The following TDRD10 variants were observed in gnomAD, a reference collection of about 807,000 sequenced individuals.
TDRD10 encodes the protein tudor domain containing 10.
A neutral mutation model predicts 48.0 loss-of-function variants in TDRD10; 40 were observed. The observed-to-expected ratio is 0.83, with a 90% CI of 0.65 to 1.09. The LOEUF is 1.09. TDRD10 is among the 50% of genes least tolerant of loss of function. TDRD10 has a pLI of 0.00. For synonymous variants in TDRD10, 162 were observed against 170.4 expected, an observed-to-expected ratio of 0.95 and a Z score of 0.38; for missense variants, 378 against 434.7, an observed-to-expected ratio of 0.87 and a Z score of 1.16.
intron 3 of TDRD10, among the ~76,000 whole-genome samples, chr1:154,507,909 C>T (rs1366375560): frequency 6.6e-6 from 1 of 152,184 alleles, no homozygotes; most frequent in Non-Finnish European, 1.5e-5. Flanking sequence ...CTCCTGCATT[C>T]CCCTGGGCCC....
intron 6 of TDRD10, among the ~76,000 whole-genome samples, chr1:154,528,689 G>C (rs1306877787): frequency 1.3e-5 from 2 of 152,140 alleles, no homozygotes; most frequent in East Asian, 3.9e-4. Flanking sequence ...GGTGGTGCAT[G>C]CCTGTAATCC....
In TDRD10 at chr1:154,544,525, C is replaced by T. The variant is rs1695442318; in HGVS notation, c.797+8C>T. On this transcript the variant is annotated splice_region_variant and intron_variant, in intron 10 of 12. Transcript: ENST00000368482. ...TGGACACGCCTGGAACAGGTGTGTG[C>T]CTGGGCAGGGGTAGAGTCTATGGGA... 2 of 1,612,892 alleles carry T rather than the reference C, an allele frequency of 1.2e-6. No individual in the cohort carries two copies. The highest frequency in any genetic ancestry group is 1.3e-5 in the African/African-American group (1 of 74,912).
At chr1:154,505,262 T>A (rs1693080619) in intron 1 of TDRD10, among the ~76,000 whole-genome samples, 1 of 152,244 alleles carries the variant, frequency 6.6e-6, no homozygotes, top group African/African-American at 2.4e-5. Flanking sequence ...AGAATGTGTG[T>A]TAGCTGCTTA....
intron 11 of TDRD10, 136 bp from the exon 12 acceptor site, chr1:154,547,273 T>C: frequency 1.2e-6 from 1 of 811,908 alleles, no homozygotes; most frequent in Non-Finnish European, 2.0e-6. Context: ...TAGCAGGAAC[T>C]AGCAGAGACT....
At position 154,503,602 on chromosome 1, in the gene TDRD10, C is replaced by A. The variant is rs369258441; in HGVS notation, c.-28+573C>A. Among the ~76,000 whole-genome samples the A allele has an allele frequency of 4.6e-5, 7 of 152,136 alleles. No individual in the cohort carries two copies. The East Asian group carries it at 5.8e-4, about 13-fold the overall frequency. On this transcript the variant is annotated intron_variant, in intron 1 of 12. Transcript: ENST00000368482. ...GACTCCGTCTCAAAAAGACAAAAAA[C>A]AAACAAACAAAAAAACACCTTTCTG...
chr1:154,538,453 G>A (rs189891820), intron 6 of TDRD10, among the ~76,000 whole-genome samples: 2 of 149,752 alleles, frequency 1.3e-5, no homozygotes, highest in African/African-American at 4.9e-5. Flanking sequence ...AGGAGGCTGA[G>A]ATAGGAGAAT....
intron 12 of TDRD10, 90 bp downstream of exon 12, chr1:154,547,569 G>GTA (rs1695675017): frequency 1.2e-6 from 2 of 1,614,260 alleles, no homozygotes; most frequent in African/African-American, 1.3e-5. Flanking sequence ...CCTGGACACA[G>GTA]TATTTACCTG....
intron 1 of TDRD10, among the ~76,000 whole-genome samples, chr1:154,504,847 C>T (rs754606180): frequency 1.3e-5 from 2 of 152,046 alleles, no homozygotes; most frequent in Non-Finnish European, 2.9e-5. Context: ...AATTAGCCAT[C>T]GTGGTAGTGT....
rs75083278 is a variant in TDRD10 at position 154,543,873 on chromosome 1, G to A, written c.504-90G>A. The A allele has an allele frequency of 1.1e-3, 1,784 of 1,558,218 alleles. 23 individuals carry two copies. In the African/African-American group the frequency reaches 0.022, roughly 19 times the overall value. On this transcript the variant is annotated intron_variant, in intron 8 of 12. Transcript: ENST00000368482. Reference sequence around the variant, plus strand: ...GGGGACTCATCCCCCAGGCAGTTCAGCCTCCTGCAGGACAGGCGTTGGTCC... The same window carrying A: ...GGGGACTCATCCCCCAGGCAGTTCAACCTCCTGCAGGACAGGCGTTGGTCC...
intron 6 of TDRD10, among the ~76,000 whole-genome samples, chr1:154,539,194 A>G (rs895315482): frequency 5.9e-5 from 9 of 152,346 alleles, no homozygotes; most frequent in East Asian, 1.9e-4. Flanking sequence ...CCTGAGCCCA[A>G]CTAAATCCTC....
At chr1:154,505,956 G>A (rs575316509) in intron 1 of TDRD10, among the ~76,000 whole-genome samples, 130 of 152,230 alleles carry the variant, frequency 8.5e-4, no homozygotes, top group Admixed American at 4.3e-3. Flanking sequence ...ATTTTCCCAG[G>A]GTCTCTGGGC....
In TDRD10 at chr1:154,533,353, G is replaced by GT. The variant is rs75204432; in HGVS notation, c.370-8653dup. Among the ~76,000 whole-genome samples, 838 of 134,420 alleles carry GT rather than the reference G, an allele frequency of 6.2e-3. 4 individuals are homozygous for GT. Among genetic ancestry groups the GT allele is most frequent in the African/African-American group, 0.015 (544 of 36,072 alleles). The allele number at this position is 134,420 out of a possible 152,430, so 88.2% of individuals were successfully genotyped here. On this transcript the variant is annotated intron_variant, in intron 6 of 12. Coordinates refer to ENST00000368482, the MANE Select transcript of TDRD10 (RefSeq NM_182499.4). ...GCTAGAAAGAGCAGGCTTTTGTTGG[G>GT]TTTTTTTTTTTTTTTTTTCTGGACC... is the stretch of plus-strand genomic sequence containing the variant.
chr1:154,510,579 G>A (rs563998075), intron 4 of TDRD10, among the ~76,000 whole-genome samples: 4 of 151,992 alleles, frequency 2.6e-5, no homozygotes, highest in South Asian at 2.1e-4. Flanking sequence ...GCGACAGAGC[G>A]AGACTCCATC....
intron 6 of TDRD10, among the ~76,000 whole-genome samples, chr1:154,540,540 CTCAA>C (rs1695169782): frequency 6.8e-6 from 1 of 146,064 alleles, no homozygotes; most frequent in Admixed American, 6.8e-5. Flanking sequence ...ATGCCGTTCA[CTCAA>C]ATGGAGAAAG....
intron 8 of TDRD10, 53 bp downstream of exon 8, chr1:154,542,874 C>T (rs1257032635): frequency 4.7e-6 from 7 of 1,476,498 alleles, no homozygotes; most frequent in Non-Finnish European, 6.6e-6. Context: ...CAGACATCCT[C>T]TGTCCCCCAG....
At chr1:154,547,345 C>G in intron 11 of TDRD10, 64 bp from the exon 12 acceptor site, 1 of 1,591,526 alleles carries the variant, frequency 6.3e-7, no homozygotes, top group Non-Finnish European at 8.6e-7. Flanking sequence ...TTTTGCTTCC[C>G]TCCTTTGCTC....
At chr1:154,524,917 T>G (rs1694234559) in intron 6 of TDRD10, among the ~76,000 whole-genome samples, 1 of 152,190 alleles carries the variant, frequency 6.6e-6, no homozygotes, top group Non-Finnish European at 1.5e-5. Flanking sequence ...GACACCTAGA[T>G]TCCTTGGACT....
At chr1:154,507,647 C>T (rs35013837) in intron 3 of TDRD10, among the ~76,000 whole-genome samples, 16,259 of 152,194 alleles carry the variant, frequency 0.11, 1,159 homozygotes, top group Admixed American at 0.15. Flanking sequence ...CTCCCCAACC[C>T]GGTTACAGCC....
At chr1:154,541,921 C>T in intron 6 of TDRD10, 103 bp from the exon 7 acceptor site, 1 of 1,156,190 alleles carries the variant, frequency 8.6e-7, no homozygotes, top group Non-Finnish European at 1.3e-6. Context: ...AGAACAGGGG[C>T]TGCCGATGCT....
Sources: gnomAD v4.1 joint callset for allele counts (sites outside exome capture counted in the v4.1 genomes callset) on GRCh38, gnomAD v4.1.1 for gene constraint, MANE v1.5 for transcripts, NCBI Gene and HGNC (gene_info 2026-07-23, HGNC 2026-07-21) for gene names.